The following SH3KBP1 variants were observed in gnomAD, a reference collection of about 807,000 sequenced individuals.
The protein encoded by SH3KBP1 is SH3 domain-containing kinase-binding protein 1.
A neutral mutation model predicts 50.1 loss-of-function variants in SH3KBP1; 8 were observed. That is an observed-to-expected ratio of 0.16 (90% CI 0.09 to 0.29). The LOEUF (loss-of-function observed/expected upper bound fraction) is 0.29, where lower values mean the gene tolerates loss of function less well. Ranked by LOEUF, SH3KBP1 falls within the 10% of genes least tolerant of loss-of-function variation. The pLI is 1.00. For missense variants in SH3KBP1, 377 were observed against 535.2 expected, an observed-to-expected ratio of 0.70 and a Z score of 2.92; for synonymous variants, 227 against 218.6, an observed-to-expected ratio of 1.04 and a Z score of -0.34.
At chrX:19,691,289 TCGCA>T (rs1271590660) in intron 5 of SH3KBP1, among the ~76,000 whole-genome samples, 1 of 104,689 alleles carries the variant, frequency 9.6e-6, no homozygotes, top group Non-Finnish European at 1.9e-5. Context: ...AGGTTTACTC[TCGCA>T]CGCACGCACG....
chrX:19,694,994 C>A, intron 5 of SH3KBP1: 1 of 1,197,137 alleles, frequency 8.4e-7, no homozygotes, highest in Non-Finnish European at 1.1e-6. Flanking sequence ...CCGGTCCTGA[C>A]CTTTTGCTCC....
chrX:19,636,744 C>A (rs938550202), intron 7 of SH3KBP1, among the ~76,000 whole-genome samples: 4 of 111,616 alleles, frequency 3.6e-5, no homozygotes, highest in African/African-American at 1.3e-4. Flanking sequence ...GCAGAACCAA[C>A]AGAATAAATA....
chrX:19,616,868 C>T (rs772892213), intron 8 of SH3KBP1, among the ~76,000 whole-genome samples: 7 of 111,498 alleles, frequency 6.3e-5, no homozygotes, highest in Non-Finnish European at 1.3e-4. Context: ...ACTCTAACAT[C>T]TCCCATTACT....
At chrX:19,762,134 C>A (rs1603213503) in intron 2 of SH3KBP1, among the ~76,000 whole-genome samples, 1 of 112,891 alleles carries the variant, frequency 8.9e-6, no homozygotes, top group East Asian at 2.8e-4. Context: ...TGCTTCTAAC[C>A]TTTAAGCTGT....
At chrX:19,554,012 A>G (rs1249271032) in intron 13 of SH3KBP1, among the ~76,000 whole-genome samples, 1 of 67,357 alleles carries the variant, frequency 1.5e-5, no homozygotes, top group Non-Finnish European at 2.4e-5. Context: ...AATATAATAT[A>G]TAATATATAT....
chrX:19,686,307 T>A (rs1412005237), intron 5 of SH3KBP1, among the ~76,000 whole-genome samples: 1 of 111,954 alleles, frequency 8.9e-6, no homozygotes, highest in African/African-American at 3.2e-5. Context: ...GTTCATTTAG[T>A]GATATATCTT....
At chrX:19,873,811 G>A (rs1056820716) in intron 1 of SH3KBP1, among the ~76,000 whole-genome samples, 1 of 108,753 alleles carries the variant, frequency 9.2e-6, no homozygotes, top group African/African-American at 3.4e-5. Flanking sequence ...CACTTTGGGA[G>A]GCTGAGGTGG....
At chrX:19,804,897 C>A (rs1327162018) in intron 2 of SH3KBP1, among the ~76,000 whole-genome samples, 3 of 91,510 alleles carry the variant, frequency 3.3e-5, no homozygotes, top group Non-Finnish European at 6.5e-5. Context: ...CCCCCCCCCA[C>A]CCGCTGCCAT....
chrX:19,806,259 G>A (rs771955548), intron 2 of SH3KBP1, among the ~76,000 whole-genome samples: 15 of 111,834 alleles, frequency 1.3e-4, no homozygotes, highest in African/African-American at 3.9e-4. Context: ...GTTTATGCCC[G>A]TAATCCCAGC....
intron 2 of SH3KBP1, among the ~76,000 whole-genome samples, chrX:19,769,639 T>C (rs537622370): frequency 9.0e-6 from 1 of 111,394 alleles, no homozygotes; most frequent in African/African-American, 3.3e-5. Context: ...GCCACAAGAT[T>C]GAACTCTCAC....
In SH3KBP1 at chrX:19,670,869, C is replaced by T. The variant is rs186062859; in HGVS notation, c.726+12954G>A. On this transcript the variant is annotated intron_variant, in intron 6 of 17. Coordinates refer to ENST00000397821, the MANE Select transcript of SH3KBP1 (RefSeq NM_031892.3). Reference sequence around the variant, plus strand: ...AAAAAAAAAAAGAAATACCTCTTCTCCCATGATGCAGCCAGCCTCCTCTCT... The same window carrying T: ...AAAAAAAAAAAGAAATACCTCTTCTTCCATGATGCAGCCAGCCTCCTCTCT... The T allele has an allele frequency of 1.9e-4, 189 of 1,016,855 alleles. 1 individual carries two copies. Among genetic ancestry groups the T allele is most frequent in the African/African-American group, 7.6e-5 (2 of 26,279 alleles). The allele number at this position is 1,016,855 out of a possible 1,213,427, so 83.8% of individuals were successfully genotyped here.
At chrX:19,844,305 A>G (rs1302809969) in intron 1 of SH3KBP1, among the ~76,000 whole-genome samples, 1 of 111,647 alleles carries the variant, frequency 9.0e-6, no homozygotes, top group African/African-American at 3.3e-5. Flanking sequence ...GGTGCTCAAT[A>G]AATGTTGGTG....
At chrX:19,729,662 TA>T (rs1237121280) in intron 3 of SH3KBP1, among the ~76,000 whole-genome samples, 1 of 111,456 alleles carries the variant, frequency 9.0e-6, no homozygotes, top group Non-Finnish European at 1.9e-5. Context: ...GACACACACT[TA>T]AATATACCCA....
chrX:19,602,790 G>A (rs1198128634), intron 9 of SH3KBP1, among the ~76,000 whole-genome samples: 1 of 111,997 alleles, frequency 8.9e-6, no homozygotes, highest in Non-Finnish European at 1.9e-5. Flanking sequence ...AGAAAATGTT[G>A]ACTAAGAACA....
At chrX:19,746,239 TA>T (rs1221641314) in intron 3 of SH3KBP1, 78 bp downstream of exon 3, 1 of 1,112,010 alleles carries the variant, frequency 9.0e-7, no homozygotes, top group East Asian at 3.0e-5. Context: ...TTCAGCAATA[TA>T]AAGTTTGACA....
At chrX:19,604,104 T>C (rs1457948949) in intron 9 of SH3KBP1, among the ~76,000 whole-genome samples, 3 of 111,861 alleles carry the variant, frequency 2.7e-5, no homozygotes, top group Non-Finnish European at 5.6e-5. Flanking sequence ...TAGCCTTCTG[T>C]AACAATGACA....
intron 3 of SH3KBP1, among the ~76,000 whole-genome samples, chrX:19,723,099 C>T (rs2064116701): frequency 9.8e-6 from 1 of 101,630 alleles, no homozygotes; most frequent in Non-Finnish European, 2.0e-5. Context: ...GCCAAGATCA[C>T]GCCACTGCAC....
intron 9 of SH3KBP1, among the ~76,000 whole-genome samples, chrX:19,599,373 C>G (rs2067007635): frequency 8.9e-6 from 1 of 112,314 alleles, no homozygotes; most frequent in Non-Finnish European, 1.9e-5. Flanking sequence ...AGAGGGGCAC[C>G]AGGGGAGGGA....
chrX:19,804,100 A>G (rs1419346136), intron 2 of SH3KBP1, among the ~76,000 whole-genome samples: 1 of 112,148 alleles, frequency 8.9e-6, no homozygotes, highest in Non-Finnish European at 1.9e-5. Flanking sequence ...TGAACTCGGG[A>G]GGCAGAGGTT....
Sources: allele counts gnomAD v4.1 joint callset (sites outside exome capture counted in the v4.1 genomes callset), GRCh38; gene constraint gnomAD v4.1.1; transcripts MANE v1.5; gene names NCBI Gene and HGNC (gene_info 2026-07-23, HGNC 2026-07-21).